Variants in KIF13B observed in about 807,000 individuals in gnomAD.
KIF13B encodes kinesin-like protein KIF13B.
In KIF13B, 127 loss-of-function variants were observed where a neutral mutation model predicts 222.0. That is an observed-to-expected ratio of 0.57 (90% CI 0.50 to 0.66). The LOEUF (loss-of-function observed/expected upper bound fraction) is 0.66. Among genes scored for constraint, KIF13B ranks in the 30% least tolerant of loss-of-function variants. The probability of loss-of-function intolerance (pLI) is 0.00; values close to 1 mark genes in which losing one functional copy is unlikely to be tolerated. For synonymous variants in KIF13B, 976 were observed against 919.0 expected, an observed-to-expected ratio of 1.06 and a Z score of -1.12; for missense variants, 2,173 against 2,379.0, an observed-to-expected ratio of 0.91 and a Z score of 1.80.
chr8:29,161,792 T>C (rs1222973671), intron 12 of KIF13B, among the ~76,000 whole-genome samples: 1 of 151,618 alleles, frequency 6.6e-6, no homozygotes, highest in Non-Finnish European at 1.5e-5. Context: ...CTTTTTTCTA[T>C]CTGGAGCAGA....
intron 1 of KIF13B, among the ~76,000 whole-genome samples, chr8:29,254,337 T>C (rs1816392054): frequency 6.6e-6 from 1 of 151,278 alleles, no homozygotes; most frequent in Admixed American, 6.6e-5. Context: ...TCATCAAAAT[T>C]TAAAACTTTC....
At chr8:29,171,964 G>T (rs1196005479) in intron 10 of KIF13B, among the ~76,000 whole-genome samples, 1 of 151,420 alleles carries the variant, frequency 6.6e-6, no homozygotes, top group African/African-American at 2.4e-5. Context: ...CACCATGTTG[G>T]CCAGGCTGGT....
At chr8:29,189,544 T>G (rs536197174) in intron 4 of KIF13B, 1 of 152,296 alleles carries the variant, frequency 6.6e-6, no homozygotes, top group African/African-American at 2.4e-5. Context: ...TTTAGAAGAA[T>G]AATAGAGTAA....
intron 2 of KIF13B, among the ~76,000 whole-genome samples, chr8:29,216,816 C>G (rs1280483440): frequency 2.0e-5 from 3 of 152,116 alleles, no homozygotes; most frequent in Non-Finnish European, 4.4e-5. Flanking sequence ...TGGGCTATGA[C>G]CTAGGGAAAC....
At chr8:29,149,826 G>A (rs1811219058) in intron 15 of KIF13B, among the ~76,000 whole-genome samples, 1 of 151,956 alleles carries the variant, frequency 6.6e-6, no homozygotes, top group African/African-American at 2.4e-5. Flanking sequence ...TTAGATTTCT[G>A]GTTCTGTCAG....
chr8:29,223,249 T>C (rs762465319), intron 2 of KIF13B, among the ~76,000 whole-genome samples: 10 of 149,532 alleles, frequency 6.7e-5, no homozygotes, highest in Non-Finnish European at 1.3e-4. Flanking sequence ...GGCGGGAGGA[T>C]TGCTTGAGCT....
chr8:29,125,296 A>G (rs544726200), intron 26 of KIF13B, among the ~76,000 whole-genome samples: 1 of 152,120 alleles, frequency 6.6e-6, no homozygotes, highest in Non-Finnish European at 1.5e-5. Flanking sequence ...ATCTTACCTC[A>G]TTTCCTTTTC....
At chr8:29,107,070 C>G (rs1443657646) in intron 35 of KIF13B, among the ~76,000 whole-genome samples, 1 of 152,220 alleles carries the variant, frequency 6.6e-6, no homozygotes, top group African/African-American at 2.4e-5. Flanking sequence ...ATGCTTAAAA[C>G]TCTGCTAAAC....
At chr8:29,261,674 T>A (rs1211024731) in intron 1 of KIF13B, among the ~76,000 whole-genome samples, 2 of 152,218 alleles carry the variant, frequency 1.3e-5, no homozygotes, top group African/African-American at 4.8e-5. Flanking sequence ...AGCACGAGAT[T>A]AGTGAAGCAA....
chr8:29,109,063 T>C (rs905908955), intron 34 of KIF13B, among the ~76,000 whole-genome samples: 1 of 152,232 alleles, frequency 6.6e-6, no homozygotes, highest in East Asian at 1.9e-4. Flanking sequence ...TTTGTGAACC[T>C]GGTCCAGACT....
chr8:29,176,270 G>T, intron 9 of KIF13B, 91 bp from the exon 10 acceptor site: 1 of 736,628 alleles, frequency 1.4e-6, no homozygotes. Context: ...AGATGCCCTT[G>T]TACCTGCATG....
At chr8:29,220,432 T>G (rs1814689821) in intron 2 of KIF13B, among the ~76,000 whole-genome samples, 1 of 152,170 alleles carries the variant, frequency 6.6e-6, no homozygotes, top group Non-Finnish European at 1.5e-5. Flanking sequence ...CTGATGCAGC[T>G]TATATAAAAT....
intron 2 of KIF13B, among the ~76,000 whole-genome samples, chr8:29,226,836 T>C (rs1371531693): frequency 6.6e-6 from 1 of 152,236 alleles, no homozygotes; most frequent in Non-Finnish European, 1.5e-5. Context: ...AGTTTCGTTG[T>C]TAATTGTAGC....
chr8:29,154,712 T>C (rs1490117698), intron 14 of KIF13B, among the ~76,000 whole-genome samples: 1 of 152,170 alleles, frequency 6.6e-6, no homozygotes, highest in Non-Finnish European at 1.5e-5. Context: ...TGGCCTGCTC[T>C]GTCTTATTGC....
intron 31 of KIF13B, among the ~76,000 whole-genome samples, chr8:29,114,714 C>T (rs143799936): frequency 1.0e-3 from 155 of 152,254 alleles, no homozygotes; most frequent in African/African-American, 3.7e-3. Flanking sequence ...ACTTCCACAT[C>T]ATTTCAACCA....
chr8:29,081,593 G>C (rs955766303), intron 37 of KIF13B, among the ~76,000 whole-genome samples: 1 of 152,158 alleles, frequency 6.6e-6, no homozygotes, highest in African/African-American at 2.4e-5. Flanking sequence ...CAGAAAGAAG[G>C]ATGGGAATAT....
chr8:29,111,610 T>G (rs1296147042), intron 32 of KIF13B, among the ~76,000 whole-genome samples: 1 of 152,218 alleles, frequency 6.6e-6, no homozygotes, highest in Non-Finnish European at 1.5e-5. Flanking sequence ...CCCCCCTATA[T>G]TTCTTTCCTT....
intron 21 of KIF13B, among the ~76,000 whole-genome samples, chr8:29,135,897 C>A (rs1033093703): frequency 2.6e-5 from 4 of 152,098 alleles, no homozygotes; most frequent in Admixed American, 6.6e-5. Flanking sequence ...TCTCAAAAAA[C>A]AAACAAGCAA....
At chr8:29,233,047 T>A (rs1815356473) in intron 2 of KIF13B, among the ~76,000 whole-genome samples, 1 of 152,154 alleles carries the variant, frequency 6.6e-6, no homozygotes, top group Non-Finnish European at 1.5e-5. Flanking sequence ...TCCCTGCTAC[T>A]CAGGAGGCTG....
Sources: allele counts gnomAD v4.1 joint callset (sites outside exome capture counted in the v4.1 genomes callset), GRCh38; gene constraint gnomAD v4.1.1; transcripts MANE v1.5; gene names NCBI Gene and HGNC (gene_info 2026-07-23, HGNC 2026-07-21).